Variants in RBFOX1 observed in about 807,000 individuals in gnomAD.
RBFOX1 encodes RNA binding fox-1 homolog 1, also known as RNA binding protein fox-1 homolog 1.
In RBFOX1, 8 loss-of-function variants were observed where a neutral mutation model predicts 57.7. That is an observed-to-expected ratio of 0.14 (90% CI 0.08 to 0.25). RBFOX1 has a LOEUF of 0.25. Ranked by LOEUF, RBFOX1 falls within the 10% of genes least tolerant of loss-of-function variation. The pLI, the probability that RBFOX1 is intolerant of heterozygous loss-of-function variation, is 1.00. For missense variants in RBFOX1, 611 were observed against 548.5 expected (o/e 1.11, Z -1.14); for synonymous variants, 326 against 222.4 (o/e 1.47, Z -4.15).
intron 3 of RBFOX1, among the ~76,000 whole-genome samples, chr16:6,779,641 A>G (rs2080009424): frequency 6.9e-6 from 1 of 144,016 alleles, no homozygotes; most frequent in Admixed American, 7.5e-5. Flanking sequence ...AATAGTATAC[A>G]AGGGTTCCCT....
intron 1 of RBFOX1, among the ~76,000 whole-genome samples, chr16:5,417,306 G>A (rs541951447): frequency 7.2e-5 from 11 of 152,320 alleles, no homozygotes; most frequent in African/African-American, 2.4e-4. Context: ...GAAGAAGCTG[G>A]TTCCACAGTG....
chr16:5,281,206 A>C (rs1188810369), intron 1 of RBFOX1, among the ~76,000 whole-genome samples: 1 of 152,060 alleles, frequency 6.6e-6, no homozygotes, highest in Admixed American at 6.6e-5. Context: ...ATTCAATAGC[A>C]CGTTTAATGT....
intron 3 of RBFOX1, among the ~76,000 whole-genome samples, chr16:6,790,516 C>G (rs1204514821): frequency 6.6e-6 from 1 of 152,082 alleles, no homozygotes; most frequent in Non-Finnish European, 1.5e-5. Flanking sequence ...TTGTTTGCAT[C>G]ATAGTTTGCA....
intron 1 of RBFOX1, among the ~76,000 whole-genome samples, chr16:6,187,963 T>C (rs1461838833): frequency 4.6e-5 from 7 of 152,204 alleles, no homozygotes; most frequent in Non-Finnish European, 1.0e-4. Flanking sequence ...TAATCTCAAC[T>C]ATTCTTATTT....
chr16:6,265,816 C>T (rs2074411100), intron 1 of RBFOX1, among the ~76,000 whole-genome samples: 1 of 152,130 alleles, frequency 6.6e-6, no homozygotes, highest in Non-Finnish European at 1.5e-5. Flanking sequence ...GTCTCTCTTC[C>T]TTCTGCCCCC....
chr16:5,501,497 G>A (rs74004343), intron 2 of RBFOX1, among the ~76,000 whole-genome samples: 9,026 of 152,130 alleles, frequency 0.059, 865 homozygotes, highest in African/African-American at 0.2. Context: ...TGGGGGAAGA[G>A]GGTTTGTCTC....
chr16:7,457,706 G>A (rs2058793804), intron 4 of RBFOX1, among the ~76,000 whole-genome samples: 1 of 152,040 alleles, frequency 6.6e-6, no homozygotes, highest in Non-Finnish European at 1.5e-5. Flanking sequence ...CAGCCTAAGA[G>A]GGCCCTCCCC....
chr16:6,628,838 G>A (rs1418562478), intron 2 of RBFOX1, among the ~76,000 whole-genome samples: 1 of 151,854 alleles, frequency 6.6e-6, no homozygotes, highest in Non-Finnish European at 1.5e-5. Flanking sequence ...ATCACAGCCT[G>A]ACCAGTATGG....
chr16:7,329,675 C>T (rs1427350940), intron 4 of RBFOX1, among the ~76,000 whole-genome samples: 4 of 152,074 alleles, frequency 2.6e-5, no homozygotes, highest in Admixed American at 2.6e-4. Flanking sequence ...AATACAAAAT[C>T]AGAATCAGAG....
At chr16:6,570,823 A>ACT (rs1371781305) in intron 2 of RBFOX1, among the ~76,000 whole-genome samples, 2 of 152,210 alleles carry the variant, frequency 1.3e-5, no homozygotes, top group Non-Finnish European at 2.9e-5. Flanking sequence ...ACTTTTAAAG[A>ACT]CTCAATTAAC....
At chr16:7,346,481 C>G (rs576108589) in intron 4 of RBFOX1, among the ~76,000 whole-genome samples, 2 of 152,214 alleles carry the variant, frequency 1.3e-5, no homozygotes, top group South Asian at 4.1e-4. Flanking sequence ...TGGCTTCACA[C>G]CTTCCTCCCA....
intron 1 of RBFOX1, among the ~76,000 whole-genome samples, chr16:6,143,931 G>A (rs1414440451): frequency 6.7e-6 from 1 of 149,532 alleles, no homozygotes; most frequent in Non-Finnish European, 1.5e-5. Context: ...CAGTAGCTGG[G>A]ACTGCAGGTG....
chr16:7,343,008 C>G (rs917543371), intron 4 of RBFOX1, among the ~76,000 whole-genome samples: 4 of 152,214 alleles, frequency 2.6e-5, no homozygotes, highest in African/African-American at 7.2e-5. Context: ...GGAACTGGAG[C>G]TGGGTTGCAG....
chr16:5,536,601 C>T (rs567889081), intron 2 of RBFOX1, among the ~76,000 whole-genome samples: 4 of 151,980 alleles, frequency 2.6e-5, no homozygotes, highest in South Asian at 4.2e-4. Context: ...TTTCCAGGGA[C>T]GAAGGGTTTG....
At chr16:7,013,312 C>T (rs1597005903) in intron 3 of RBFOX1, among the ~76,000 whole-genome samples, 1 of 152,162 alleles carries the variant, frequency 6.6e-6, no homozygotes, top group African/African-American at 2.4e-5. Context: ...GAGCTTAACT[C>T]AGTGTTCTGC....
At chr16:6,336,701 A>G (rs1045374560) in intron 2 of RBFOX1, among the ~76,000 whole-genome samples, 1 of 151,668 alleles carries the variant, frequency 6.6e-6, no homozygotes. Flanking sequence ...GGTGGGGGGG[A>G]AATTGGATGA....
chr16:7,518,508 A>T (rs2152196191), intron 5 of RBFOX1, 119 bp downstream of exon 5: 1 of 1,339,764 alleles, frequency 7.5e-7, no homozygotes, highest in South Asian at 1.7e-5. Context: ...TCAGTCCCTA[A>T]GCCCACCCTC....
At chr16:7,181,776 G>T (rs1238194139) in intron 4 of RBFOX1, among the ~76,000 whole-genome samples, 4 of 152,016 alleles carry the variant, frequency 2.6e-5, no homozygotes, top group Admixed American at 1.3e-4. Context: ...ACCCAGGCTG[G>T]TCTCAGACTC....
chr16:6,405,418 C>T (rs1412651710), intron 2 of RBFOX1, among the ~76,000 whole-genome samples: 1 of 152,116 alleles, frequency 6.6e-6, no homozygotes, highest in Non-Finnish European at 1.5e-5. Context: ...CAAATAGTGC[C>T]TCAGGGACTC....
Sources: allele counts gnomAD v4.1 joint callset (sites outside exome capture counted in the v4.1 genomes callset), GRCh38; gene constraint gnomAD v4.1.1; transcripts MANE v1.5; gene names NCBI Gene and HGNC (gene_info 2026-07-23, HGNC 2026-07-21).